UHRF2: variants seen among roughly 807,000 people sequenced by gnomAD.
UHRF2 encodes ubiquitin like with PHD and ring finger domains 2.
In UHRF2, 23 loss-of-function variants were observed where a neutral mutation model predicts 96.8. The observed-to-expected ratio is 0.24, with a 90% CI of 0.17 to 0.34. The LOEUF (loss-of-function observed/expected upper bound fraction) is 0.34, where lower values mean the gene tolerates loss of function less well. Ranked by LOEUF, UHRF2 falls within the 10% of genes least tolerant of loss-of-function variation. The pLI, the probability that UHRF2 is intolerant of heterozygous loss-of-function variation, is 1.00. For synonymous variants in UHRF2, 385 were observed against 332.6 expected (o/e 1.16, Z -1.72); for missense variants, 685 against 981.5 (o/e 0.70, Z 4.04).
Position 6,481,988 on chromosome 9 carries a change from G to A in UHRF2, c.1285-4G>A, listed in dbSNP as rs1424878099. 3.1e-6 allele frequency: 5 copies of A among 1,612,128 alleles called. No homozygotes were observed. The African/African-American group carries it at 6.7e-5, about 22-fold the overall frequency. ...TTTCTCAACGTTTGTTTTGCGTCTT[G>A]TAGGGAATGGCTTGTGTTGGTCGTA... On this transcript the variant is annotated splice_polypyrimidine_tract_variant and splice_region_variant and intron_variant, in intron 7 of 15. Transcript: ENST00000276893.
chr9:6,490,000 C>A (rs927511377), intron 9 of UHRF2, among the ~76,000 whole-genome samples: 11 of 151,860 alleles, frequency 7.2e-5, no homozygotes, highest in African/African-American at 2.7e-4. Flanking sequence ...GAAGCTATAT[C>A]TTTGTATATT....
chr9:6,442,415 T>C (rs1216209716), intron 3 of UHRF2, among the ~76,000 whole-genome samples: 1 of 152,212 alleles, frequency 6.6e-6, no homozygotes, highest in East Asian at 1.9e-4. Context: ...CCATAAATTT[T>C]CAATCAGTTC....
intron 2 of UHRF2, among the ~76,000 whole-genome samples, chr9:6,426,523 G>T (rs1223591236): frequency 6.6e-6 from 1 of 152,246 alleles, no homozygotes; most frequent in African/African-American, 2.4e-5. Flanking sequence ...CTTTTTGGGG[G>T]ATGAACCTTA....
In UHRF2 at chr9:6,455,185, A is replaced by G. The variant is rs117711633; in HGVS notation, c.645-5388A>G. Among the ~76,000 whole-genome samples, 51 of 152,192 alleles carry G rather than the reference A, an allele frequency of 3.4e-4. No homozygotes were observed. The East Asian group carries it at 9.5e-3, about 28-fold the overall frequency. On this transcript the variant is annotated intron_variant, in intron 3 of 15. Coordinates refer to ENST00000276893, the MANE Select transcript of UHRF2 (RefSeq NM_152896.3). ...TTAAGTTCTAGGGTGCATGTGCACA[A>G]CGAGCTCGTTTGTTACATATGCATA...
chr9:6,463,458 G>A (rs544765594), intron 4 of UHRF2, among the ~76,000 whole-genome samples: 1 of 151,776 alleles, frequency 6.6e-6, no homozygotes, highest in African/African-American at 2.4e-5. Context: ...AACCAGTGTG[G>A]CTTATGGATA....
At chr9:6,441,747 CATTTT>C (rs993162285) in intron 3 of UHRF2, among the ~76,000 whole-genome samples, 4 of 150,568 alleles carry the variant, frequency 2.7e-5, no homozygotes, top group African/African-American at 9.8e-5. Flanking sequence ...TTTTTTTTTC[CATTTT>C]ATTTCCTTAT....
intron 10 of UHRF2, chr9:6,496,412 A>T (rs1417991796): frequency 6.6e-6 from 1 of 152,234 alleles, no homozygotes; most frequent in Non-Finnish European, 1.5e-5. Context: ...TTCTCCCAAG[A>T]GTAAGGTCTT....
At chr9:6,428,760 G>C (rs1820406396) in intron 2 of UHRF2, among the ~76,000 whole-genome samples, 1 of 151,880 alleles carries the variant, frequency 6.6e-6, no homozygotes, top group South Asian at 2.1e-4. Context: ...TGTTGTCCAG[G>C]CTGGTCTTGA....
intron 2 of UHRF2, among the ~76,000 whole-genome samples, chr9:6,428,441 A>C (rs1285456103): frequency 1.3e-5 from 2 of 151,016 alleles, no homozygotes; most frequent in Non-Finnish European, 2.9e-5. Context: ...AACCTTTAAC[A>C]ACCTATTAAT....
intron 3 of UHRF2, among the ~76,000 whole-genome samples, chr9:6,448,103 A>C (rs201002536): frequency 6.6e-6 from 1 of 152,210 alleles, no homozygotes; most frequent in African/African-American, 2.4e-5. Context: ...CAAAGCCTAC[A>C]ATCTGGACAA....
intron 5 of UHRF2, among the ~76,000 whole-genome samples, chr9:6,476,604 T>C (rs1587849354): frequency 6.6e-6 from 1 of 152,138 alleles, no homozygotes; most frequent in Non-Finnish European, 1.5e-5. Flanking sequence ...TGTTTTTTGT[T>C]TTTTGTTTTG....
At chr9:6,468,359 G>T in intron 4 of UHRF2, 1 of 442,300 alleles carries the variant, frequency 2.3e-6, no homozygotes. Context: ...AGGTAGGGTG[G>T]GACAGCTGGC....
At chr9:6,427,469 C>G (rs1228627704) in intron 2 of UHRF2, among the ~76,000 whole-genome samples, 1 of 152,084 alleles carries the variant, frequency 6.6e-6, no homozygotes, top group Non-Finnish European at 1.5e-5. Flanking sequence ...GGCAGAGCAC[C>G]TGAGGTCAGG....
rs117192687 is a variant in UHRF2, at chr9:6,455,636, G to A, written c.645-4937G>A. 2.8e-3 allele frequency among the ~76,000 whole-genome samples: 419 copies of A among 152,292 alleles called. 3 individuals are homozygous for A. Among genetic ancestry groups the A allele is most frequent in the Non-Finnish European group, 3.6e-3 (243 of 68,018 alleles). On this transcript the variant is annotated intron_variant, in intron 3 of 15. Transcript: ENST00000276893. ...GCAGGTCTTAATTTTATAGAAGCCAGTGTGGACTGTTACTGATTTCTTTGG... is the reference window on the plus strand; with the variant it reads ...GCAGGTCTTAATTTTATAGAAGCCAATGTGGACTGTTACTGATTTCTTTGG...
intron 3 of UHRF2, among the ~76,000 whole-genome samples, chr9:6,442,110 G>T (rs1334331719): frequency 6.6e-6 from 1 of 152,144 alleles, no homozygotes; most frequent in Non-Finnish European, 1.5e-5. Flanking sequence ...GATTACAGGT[G>T]CCTGGCACCA....
chr9:6,436,966 C>T (rs867183159), intron 3 of UHRF2, among the ~76,000 whole-genome samples: 213 of 152,186 alleles, frequency 1.4e-3, no homozygotes, highest in African/African-American at 4.9e-3. Flanking sequence ...TAAATGTCAC[C>T]TCTTTAAAAA....
chr9:6,482,597 CCTT>C (rs1440336072), intron 8 of UHRF2, among the ~76,000 whole-genome samples: 3 of 147,500 alleles, frequency 2.0e-5, no homozygotes, highest in Non-Finnish European at 4.5e-5. Context: ...ATAAGAGGGG[CCTT>C]TTTTTTTTTT....
At chr9:6,501,689 T>C (rs1235694058) in intron 14 of UHRF2, among the ~76,000 whole-genome samples, 1 of 152,224 alleles carries the variant, frequency 6.6e-6, no homozygotes, top group Non-Finnish European at 1.5e-5. Context: ...CAGGGGAAAG[T>C]GATTACACTT....
rs1823967705 is a variant in UHRF2, at chr9:6,482,191, C to T, written c.1392+92C>T. The stretch of plus-strand genomic sequence containing the variant: ...CTGTTGATTGTAAGTGAACCTAACA[C>T]ATGACATTCACTTGTTAGAATGAAA... On this transcript the variant is annotated intron_variant, in intron 8 of 15. Coordinates refer to ENST00000276893, the MANE Select transcript of UHRF2 (RefSeq NM_152896.3). 3 of 994,882 alleles carry T rather than the reference C, an allele frequency of 3.0e-6. No homozygotes were observed. In the East Asian group the frequency reaches 7.2e-5, roughly 24 times the overall value. The allele number at this position is 994,882 out of a possible 1,614,324, so 61.6% of individuals were successfully genotyped here. A position where few individuals can be genotyped will look rare whatever the true frequency, so the allele number is the denominator to read the frequency against.
Sources: allele counts gnomAD v4.1 joint callset (sites outside exome capture counted in the v4.1 genomes callset), GRCh38; gene constraint gnomAD v4.1.1; transcripts MANE v1.5; gene names NCBI Gene and HGNC (gene_info 2026-07-23, HGNC 2026-07-21).